FLVCR2: variants seen among roughly 807,000 people sequenced by gnomAD.
FLVCR2 encodes the protein choline/ethanolamine transporter FLVCR2.
FLVCR2 carries 38 observed loss-of-function variants against 48.9 expected under a neutral mutation model. The ratio of observed to expected loss-of-function variants is 0.78; its 90% CI spans 0.60 to 1.02. The LOEUF (loss-of-function observed/expected upper bound fraction) is 1.02. Ranked by LOEUF, FLVCR2 falls within the 50% of genes least tolerant of loss-of-function variation. The probability of loss-of-function intolerance (pLI) is 0.00; values close to 1 mark genes in which losing one functional copy is unlikely to be tolerated. For synonymous variants in FLVCR2, 255 were observed against 257.0 expected (o/e 0.99, Z 0.07); for missense variants, 664 against 663.3 (o/e 1.00, Z -0.01).
rs1044511010 is a variant in FLVCR2 at position 75,618,392 on chromosome 14, T to C, written c.670-3687T>C. Among the ~76,000 whole-genome samples the C allele has an allele frequency of 8.1e-4, 123 of 152,256 alleles. 1 individual carries two copies. The highest frequency in any genetic ancestry group is 1.4e-3 in the Non-Finnish European group (97 of 68,010). On this transcript the variant is annotated intron_variant, in intron 1 of 9. Coordinates refer to ENST00000238667, the MANE Select transcript of FLVCR2 (RefSeq NM_017791.3). ...AAGTTTGGGAAATACTGCTATGGGA[T>C]GGGTAAAAATGAAGAGAGCCTAATT...
At chr14:75,588,346 C>A (rs550679776) in intron 1 of FLVCR2, among the ~76,000 whole-genome samples, 1 of 152,194 alleles carries the variant, frequency 6.6e-6, no homozygotes, top group Non-Finnish European at 1.5e-5. Context: ...ACTTTTATGA[C>A]AAACCCACCC....
chr14:75,588,576 GATTCAAGCAATT>G (rs1888805966), intron 1 of FLVCR2, among the ~76,000 whole-genome samples: 1 of 152,148 alleles, frequency 6.6e-6, no homozygotes, highest in Non-Finnish European at 1.5e-5. Flanking sequence ...TCCACTTCCC[GATTCAAGCAATT>G]CTGCCTCAGC....
At chr14:75,584,814 G>T (rs1476487162) in intron 1 of FLVCR2, among the ~76,000 whole-genome samples, 1 of 152,212 alleles carries the variant, frequency 6.6e-6, no homozygotes, top group Non-Finnish European at 1.5e-5. Context: ...GACAGAGTTA[G>T]ATATTTGAAT....
intron 5 of FLVCR2, among the ~76,000 whole-genome samples, chr14:75,637,357 G>A (rs1173560419): frequency 2.0e-5 from 3 of 152,210 alleles, no homozygotes; most frequent in Admixed American, 2.0e-4. Context: ...GGAGGGTTTC[G>A]TTTGACACAA....
intron 5 of FLVCR2, among the ~76,000 whole-genome samples, chr14:75,637,075 G>A (rs530127199): frequency 6.6e-6 from 1 of 152,298 alleles, no homozygotes; most frequent in Admixed American, 6.5e-5. Flanking sequence ...CTGACCTTGA[G>A]CTTTTCCAAA....
At chr14:75,642,609 T>G (rs921050904) in intron 9 of FLVCR2, among the ~76,000 whole-genome samples, 9 of 152,080 alleles carry the variant, frequency 5.9e-5, no homozygotes, top group African/African-American at 9.7e-5. Flanking sequence ...AAAAAAAAAC[T>G]TATAGAGGTA....
intron 1 of FLVCR2, among the ~76,000 whole-genome samples, chr14:75,586,206 C>T (rs1031052610): frequency 6.6e-6 from 1 of 152,212 alleles, no homozygotes; most frequent in Non-Finnish European, 1.5e-5. Context: ...TTAATTCTTA[C>T]AGGTTTTGGG....
chr14:75,607,674 CA>C (rs1889329277), intron 1 of FLVCR2, among the ~76,000 whole-genome samples: 3 of 152,150 alleles, frequency 2.0e-5, no homozygotes, highest in Admixed American at 2.0e-4. Flanking sequence ...CTCTTGATCT[CA>C]CTGGGTGGTT....
chr14:75,640,705 A>G lies in FLVCR2; in HGVS notation c.1236-250A>G, dbSNP rs887391706. The G allele has an allele frequency of 9.3e-6, 5 of 539,240 alleles. No homozygotes were observed. The East Asian group carries it at 1.0e-4, about 11-fold the overall frequency. 33.4% of individuals were successfully genotyped at this position (539,240 alleles called of 1,614,324 possible). ...CTGACTGGCTGTCACTGATGGCAAGATGGAGAAGCAGCAAGGGATCCCAGA... is the reference window on the plus strand; with the variant it reads ...CTGACTGGCTGTCACTGATGGCAAGGTGGAGAAGCAGCAAGGGATCCCAGA... On this transcript the variant is annotated intron_variant, in intron 6 of 9. Transcript: ENST00000238667.
chr14:75,612,205 G>A (rs1309741045), intron 1 of FLVCR2, among the ~76,000 whole-genome samples: 1 of 152,094 alleles, frequency 6.6e-6, no homozygotes, highest in Non-Finnish European at 1.5e-5. Context: ...AGCTCTCATC[G>A]CTATTATTAT....
chr14:75,592,363 A>G (rs1888908114), intron 1 of FLVCR2, among the ~76,000 whole-genome samples: 1 of 152,072 alleles, frequency 6.6e-6, no homozygotes, highest in South Asian at 2.1e-4. Flanking sequence ...GGGCAGTGGT[A>G]TCCCACCATT....
Position 75,641,178 on chromosome 14 carries a change from C to A in FLVCR2, c.1342-4C>A. ...TGTTTCCTATCTTCTTTATGCCTTT[C>A]CAGGTATTTGGGATCATCTTTACCA... On this transcript the variant is annotated splice_polypyrimidine_tract_variant and splice_region_variant and intron_variant, in intron 7 of 9. Transcript: ENST00000238667. The A allele has an allele frequency of 1.2e-6, 2 of 1,605,072 alleles. No homozygotes were observed. The highest frequency in any genetic ancestry group is 1.7e-6 in the Non-Finnish European group (2 of 1,171,802).
chr14:75,645,033 G>GGGGGGTGT (rs1433999747), intron 9 of FLVCR2, among the ~76,000 whole-genome samples: 3 of 13,066 alleles, frequency 2.3e-4, no homozygotes, highest in African/African-American at 4.0e-4. Flanking sequence ...AGGCGGGCGT[G>GGGGGGTGT]GTGTGTGTGT....
At chr14:75,600,238 G>A (rs1889130588) in intron 1 of FLVCR2, among the ~76,000 whole-genome samples, 1 of 152,114 alleles carries the variant, frequency 6.6e-6, no homozygotes, top group African/African-American at 2.4e-5. Flanking sequence ...GTTTACAAAT[G>A]CCATAGCAAA....
rs117880033 is a variant in FLVCR2 at position 75,632,832 on chromosome 14, C to T, written c.953-797C>T. The stretch of plus-strand genomic sequence containing the variant: ...ATCTTTATTATCTCTAAAATGGTGA[C>T]GATAATACTACCTACTTTCTAGAGT... On this transcript the variant is annotated intron_variant, in intron 3 of 9. Coordinates refer to ENST00000238667, the MANE Select transcript of FLVCR2 (RefSeq NM_017791.3). 4.4e-3 allele frequency: 3,097 copies of T among 702,232 alleles called. 44 individuals are homozygous for T. The highest frequency in any genetic ancestry group is 0.038 in the Middle Eastern group (164 of 4,364). 43.5% of individuals were successfully genotyped at this position (702,232 alleles called of 1,614,324 possible). A position where few individuals can be genotyped will look rare whatever the true frequency, so the allele number is the denominator to read the frequency against.
At chr14:75,607,969 G>A (rs1246859423) in intron 1 of FLVCR2, among the ~76,000 whole-genome samples, 1 of 152,150 alleles carries the variant, frequency 6.6e-6, no homozygotes, top group Non-Finnish European at 1.5e-5. Flanking sequence ...TAGCTACTTG[G>A]GAGCTAGAGA....
chr14:75,620,949 C>T (rs750665930), intron 1 of FLVCR2, among the ~76,000 whole-genome samples: 2 of 152,244 alleles, frequency 1.3e-5, no homozygotes, highest in Non-Finnish European at 2.9e-5. Flanking sequence ...AAAGGAATTA[C>T]TCATCTTCCT....
In FLVCR2 at chr14:75,632,760, G is replaced by A. The variant is rs755331085; in HGVS notation, c.953-869G>A. On this transcript the variant is annotated intron_variant, in intron 3 of 9. Coordinates refer to ENST00000238667, the MANE Select transcript of FLVCR2 (RefSeq NM_017791.3). ...TTTAGTTAAAGTTAGAAAGACCCCC[G>A]GTGGGCATTATGGAGTGGCAGTACT... 1.7e-4 allele frequency: 120 copies of A among 702,126 alleles called. No homozygotes were observed. The African/African-American group carries it at 1.8e-3, about 11-fold the overall frequency. The allele number at this position is 702,126 out of a possible 1,614,324, so 43.5% of individuals were successfully genotyped here. A position where few individuals can be genotyped will look rare whatever the true frequency, so the allele number is the denominator to read the frequency against.
intron 1 of FLVCR2, among the ~76,000 whole-genome samples, chr14:75,599,784 A>G (rs1345894210): frequency 6.6e-6 from 1 of 152,258 alleles, no homozygotes; most frequent in African/African-American, 2.4e-5. Flanking sequence ...AATAGAGAAG[A>G]GAGTCCAGAT....
Sources: gnomAD v4.1 joint callset for allele counts (sites outside exome capture counted in the v4.1 genomes callset) on GRCh38, gnomAD v4.1.1 for gene constraint, MANE v1.5 for transcripts, NCBI Gene and HGNC (gene_info 2026-07-23, HGNC 2026-07-21) for gene names.